TMPRSS11A: variants seen among roughly 807,000 people sequenced by gnomAD.
The protein encoded by TMPRSS11A is transmembrane protease serine 11A.
TMPRSS11A carries 53 observed loss-of-function variants against 58.9 expected under a neutral mutation model. The ratio of observed to expected loss-of-function variants is 0.90; its 90% CI spans 0.72 to 1.13. TMPRSS11A has a LOEUF of 1.13. Ranked by LOEUF, TMPRSS11A falls within the 50% of genes most tolerant of loss-of-function variation. The pLI, the probability that TMPRSS11A is intolerant of heterozygous loss-of-function variation, is 0.00. For missense variants in TMPRSS11A, 493 were observed against 499.3 expected (o/e 0.99, Z 0.12); for synonymous variants, 167 against 169.8 (o/e 0.98, Z 0.13).
In TMPRSS11A at chr4:67,946,468, C is replaced by T. The variant is rs760143073; in HGVS notation, c.115G>A (p.Val39Ile). 5.0e-5 allele frequency: 80 copies of T among 1,603,966 alleles called. 1 individual carries two copies. The South Asian group carries it at 9.0e-4, about 18-fold the overall frequency. Reference protein sequence around the residue: ...TVVAVTIGLLVHFLVFDQKKE... With the variant: ...TVVAVTIGLLIHFLVFDQKKE... Reference sequence around the variant, plus strand: ...TACCTACCAAATACTAGGAAGTGAACCAGGAGACCTATGGTCACTGCCACC... The same window carrying T: ...TACCTACCAAATACTAGGAAGTGAATCAGGAGACCTATGGTCACTGCCACC... The change falls in exon 2 of 10, where the codon GTT becomes ATT. Residue 39 changes from valine to isoleucine, a missense_variant. Physicochemically the swap from Val to Ile is conservative, Grantham distance 29 (BLOSUM62 3). Coordinates refer to ENST00000508048, the MANE Select transcript of TMPRSS11A (RefSeq NM_001114387.2).
intron 8 of TMPRSS11A, among the ~76,000 whole-genome samples, chr4:67,916,985 A>G (rs745341826): frequency 1.3e-5 from 2 of 152,178 alleles, no homozygotes; most frequent in African/African-American, 2.4e-5. Flanking sequence ...TGAAAAGCAT[A>G]GCCCATAAAT....
At chr4:67,930,184 G>A (rs1038666185) in intron 4 of TMPRSS11A, 144 bp from the exon 5 acceptor site, 1 of 583,416 alleles carries the variant, frequency 1.7e-6, no homozygotes, top group Non-Finnish European at 2.8e-6. Context: ...CTGACCCAAG[G>A]TCATTTCATA....
chr4:67,936,748 C>A (rs1720764366), intron 3 of TMPRSS11A, among the ~76,000 whole-genome samples: 1 of 152,070 alleles, frequency 6.6e-6, no homozygotes, highest in African/African-American at 2.4e-5. Context: ...ATATCCATAT[C>A]CCAAATTGGC....
At chr4:67,923,328 AT>A (rs1221745302) in intron 6 of TMPRSS11A, among the ~76,000 whole-genome samples, 5 of 152,338 alleles carry the variant, frequency 3.3e-5, no homozygotes, top group Non-Finnish European at 5.9e-5. Flanking sequence ...ATATTGTTGA[AT>A]GAATAAACAC....
chr4:67,952,030 T>C (rs1304603348), intron 1 of TMPRSS11A, among the ~76,000 whole-genome samples: 1 of 152,198 alleles, frequency 6.6e-6, no homozygotes, highest in Non-Finnish European at 1.5e-5. Flanking sequence ...TGGATATCTG[T>C]CTGGGTATGC....
At chr4:67,954,925 T>A (rs1721248429) in intron 1 of TMPRSS11A, among the ~76,000 whole-genome samples, 1 of 152,226 alleles carries the variant, frequency 6.6e-6, no homozygotes, top group African/African-American at 2.4e-5. Context: ...AAATGTAACC[T>A]ACATAGAGTA....
chr4:67,924,822 G>A (rs1720423530), intron 5 of TMPRSS11A, among the ~76,000 whole-genome samples: 1 of 152,118 alleles, frequency 6.6e-6, no homozygotes, highest in African/African-American at 2.4e-5. Flanking sequence ...ACAACATGTG[G>A]GAATTATGGG....
At chr4:67,912,247 T>G (rs1720000100) in intron 9 of TMPRSS11A, among the ~76,000 whole-genome samples, 1 of 151,868 alleles carries the variant, frequency 6.6e-6, no homozygotes, top group Non-Finnish European at 1.5e-5. Flanking sequence ...GCTTGTTAGT[T>G]CTTTTACTTC....
chr4:67,922,148 A>G (rs536104486), intron 7 of TMPRSS11A, among the ~76,000 whole-genome samples: 1 of 152,328 alleles, frequency 6.6e-6, no homozygotes, highest in East Asian at 1.9e-4. Context: ...GAGTGGCCCA[A>G]GGGCCTCTAT....
At chr4:67,938,629 C>A (rs931484219) in intron 3 of TMPRSS11A, among the ~76,000 whole-genome samples, 1 of 152,106 alleles carries the variant, frequency 6.6e-6, no homozygotes, top group Non-Finnish European at 1.5e-5. Context: ...CTGCTTCTGA[C>A]TAGCTAGCTA....
chr4:67,942,858 G>A lies in TMPRSS11A; in HGVS notation c.252+1661C>T, dbSNP rs149685309. The stretch of plus-strand genomic sequence containing the variant: ...TAGCAGCTAACAGCAATAAACTAAA[G>A]GTATATTTAGTAACATATATCTTTT... On this transcript the variant is annotated intron_variant, in intron 3 of 9. Transcript: ENST00000508048. 4.7e-3 allele frequency among the ~76,000 whole-genome samples: 711 copies of A among 152,092 alleles called. 8 individuals carry two copies. The highest frequency in any genetic ancestry group is 0.016 in the African/African-American group (668 of 41,486).
intron 7 of TMPRSS11A, among the ~76,000 whole-genome samples, chr4:67,921,329 T>A (rs1357189520): frequency 1.3e-5 from 2 of 152,196 alleles, no homozygotes; most frequent in South Asian, 2.1e-4. Context: ...AGATTATTTT[T>A]AAAAATATAT....
intron 8 of TMPRSS11A, among the ~76,000 whole-genome samples, chr4:67,917,256 A>C (rs1720183801): frequency 6.6e-6 from 1 of 151,902 alleles, no homozygotes; most frequent in South Asian, 2.1e-4. Context: ...ATTTTCTATA[A>C]ATTTCCCTTT....
intron 3 of TMPRSS11A, among the ~76,000 whole-genome samples, chr4:67,935,988 C>A (rs1289536749): frequency 6.6e-6 from 1 of 152,122 alleles, no homozygotes; most frequent in African/African-American, 2.4e-5. Context: ...CATTTGCTTT[C>A]AAATCAGCCC....
rs760474956 is a variant in TMPRSS11A, at chr4:67,925,445, T to C, written c.482-1279A>G. Among the ~76,000 whole-genome samples the C allele has an allele frequency of 2.0e-3, 306 of 152,356 alleles. 2 individuals carry two copies. The highest frequency in any genetic ancestry group is 6.8e-3 in the African/African-American group (284 of 41,584). ...CCATGTTTCTCAGACACATTCTCAG[T>C]ATTCTATTCCTCATTATACAAAATA... On this transcript the variant is annotated intron_variant, in intron 5 of 9. Transcript: ENST00000508048.
At chr4:67,912,536 A>AT (rs997030117) in intron 9 of TMPRSS11A, among the ~76,000 whole-genome samples, 10 of 151,970 alleles carry the variant, frequency 6.6e-5, no homozygotes, top group Non-Finnish European at 1.2e-4. Context: ...TCAGAAGTAC[A>AT]TTTTTTTCAG....
Position 67,910,644 on chromosome 4 carries a change from T to C in TMPRSS11A, c.*698A>G, listed in dbSNP as rs1359995049. 6.6e-6 allele frequency: 1 copy of C among 152,102 alleles called. No individual in the cohort carries two copies. The highest frequency in any genetic ancestry group is 2.4e-5 in the African/African-American group (1 of 41,466). The allele number at this position is 152,102 out of a possible 1,614,324, so 9.4% of individuals were successfully genotyped here. The stretch of plus-strand genomic sequence containing the variant: ...ACTAATCACTCTATCTATCTATATA[T>C]AATTCATTAATCGGGATTTTTCTGA... On this transcript the variant is annotated 3_prime_UTR_variant, in exon 10 of 10. Coordinates refer to ENST00000508048, the MANE Select transcript of TMPRSS11A (RefSeq NM_001114387.2).
intron 7 of TMPRSS11A, 66 bp from the exon 8 acceptor site, chr4:67,919,298 G>A: frequency 7.0e-7 from 1 of 1,428,256 alleles, no homozygotes; most frequent in Non-Finnish European, 9.6e-7. Context: ...TAGATTAATT[G>A]CATTTAGGCT....
chr4:67,941,298 G>A (rs952831734), intron 3 of TMPRSS11A, among the ~76,000 whole-genome samples: 2 of 152,172 alleles, frequency 1.3e-5, no homozygotes, highest in African/African-American at 4.8e-5. Flanking sequence ...TGTGGCTCAG[G>A]ATGAGGCATA....
Sources: gnomAD v4.1 joint callset for allele counts (sites outside exome capture counted in the v4.1 genomes callset) on GRCh38, gnomAD v4.1.1 for gene constraint, MANE v1.5 for transcripts, NCBI Gene and HGNC (gene_info 2026-07-23, HGNC 2026-07-21) for gene names.